KNTC1: variants seen among roughly 807,000 people sequenced by gnomAD.
KNTC1 encodes the protein kinetochore-associated protein 1.
In KNTC1, 253 loss-of-function variants were observed where a neutral mutation model predicts 314.4. The observed-to-expected ratio is 0.80, with a 90% confidence interval of 0.73 to 0.89. KNTC1 has a LOEUF of 0.89. KNTC1 is among the 40% of genes least tolerant of loss of function. KNTC1 has a pLI of 0.00. For missense variants in KNTC1, 2,475 were observed against 2,572.9 expected (o/e 0.96, Z 0.82); for synonymous variants, 901 against 901.4 (o/e 1.00, Z 0.01).
At chr12:122,542,457 A>T (rs560133402) in intron 6 of KNTC1, among the ~76,000 whole-genome samples, 10 of 152,302 alleles carry the variant, frequency 6.6e-5, no homozygotes, top group Admixed American at 5.9e-4. Context: ...AATGGAAATG[A>T]CTATGTAGTG....
At position 122,602,726 on chromosome 12, in the gene KNTC1, TC is replaced by T; in HGVS notation, c.4812del (p.Trp1605GlyfsTer18). On this transcript the variant is annotated frameshift_variant, in exon 46 of 64. Transcript: ENST00000333479. LOFTEE classifies it high-confidence loss of function. ...ATATTCTTTGGCACAGCACAGAACT[TC>T]TGGAAAATTCTCTGTATGTGTTCAT... ...HLIFFGTAQN[F>X]WKILSTELSE... The T allele has an allele frequency of 6.2e-7, 1 of 1,613,704 alleles. No individual in the cohort carries two copies.
chr12:122,539,986 G>T (rs1451211092), intron 5 of KNTC1, among the ~76,000 whole-genome samples: 1 of 151,400 alleles, frequency 6.6e-6, no homozygotes, highest in Non-Finnish European at 1.5e-5. Context: ...CACCATGTTG[G>T]CCAGGCTGGT....
chr12:122,539,708 G>A lies in KNTC1; in HGVS notation c.399G>A (p.Arg133=). 6.3e-7 allele frequency: 1 copy of A among 1,582,712 alleles called. No homozygotes were observed. The highest frequency in any genetic ancestry group is 8.6e-7 in the Non-Finnish European group (1 of 1,163,654). ...AFVQKANDEN[R]RTYQNLVIEK... ...TTCAGAAAGCTAACGATGAAAATCG[G>A]CGGACTTACCAGAATCTTGTCATTG... The change falls in exon 5 of 64, where the codon CGG becomes CGA. Residue 133 remains arginine (R), a synonymous_variant. Transcript: ENST00000333479.
At chr12:122,601,493 G>T in intron 44 of KNTC1, 43 bp from the exon 45 acceptor site, 1 of 1,459,884 alleles carries the variant, frequency 6.8e-7, no homozygotes, top group Non-Finnish European at 9.2e-7. Flanking sequence ...TTTCAACATG[G>T]CAAAGTCTTA....
At chr12:122,562,406 A>G (rs1052151031) in intron 19 of KNTC1, among the ~76,000 whole-genome samples, 1 of 151,118 alleles carries the variant, frequency 6.6e-6, no homozygotes, top group Non-Finnish European at 1.5e-5. Flanking sequence ...TTATAATTGG[A>G]TGTAATTGGA....
At chr12:122,588,599 G>A in intron 39 of KNTC1, 113 bp from the exon 40 acceptor site, 2 of 792,234 alleles carry the variant, frequency 2.5e-6, no homozygotes, top group Non-Finnish European at 3.7e-6. Context: ...GTTAAATTCT[G>A]ATACTTTTTG....
chr12:122,549,243 G>C (rs1963017936), intron 12 of KNTC1, among the ~76,000 whole-genome samples: 2 of 152,002 alleles, frequency 1.3e-5, no homozygotes, highest in Non-Finnish European at 2.9e-5. Flanking sequence ...TTTTAGTAGA[G>C]ACGGGGTTTC....
chr12:122,530,995 G>T (rs1426318489), intron 2 of KNTC1, among the ~76,000 whole-genome samples: 1 of 151,754 alleles, frequency 6.6e-6, no homozygotes, highest in Non-Finnish European at 1.5e-5. Flanking sequence ...TATTAGCTGG[G>T]TGTGGTGGCA....
In KNTC1 at chr12:122,530,186, T is replaced by C; in HGVS notation, c.123T>C (p.Ser41=). 6.2e-7 allele frequency: 1 copy of C among 1,612,938 alleles called. No individual in the cohort carries two copies. The highest frequency in any genetic ancestry group is 8.5e-7 in the Non-Finnish European group (1 of 1,179,350). ...TAGATTTGCTAGTGAAGATCTCTTC[T>C]GAAAAGGTAGTGATTATTACACTGA... ...YQVDLLVKIS[S]EKASLNPKIQ... The change falls in exon 2 of 64, where the codon TCT becomes TCC. Residue 41 remains serine, a synonymous_variant. Coordinates refer to ENST00000333479, the MANE Select transcript of KNTC1 (RefSeq NM_014708.6).
rs34135515 is a variant in KNTC1, at chr12:122,594,317, G to A, written c.4287G>A (p.Lys1429=). Residue 1429 remains lysine, a synonymous_variant, in exon 43 of 64, where the codon AAG becomes AAA. Coordinates refer to ENST00000333479, the MANE Select transcript of KNTC1 (RefSeq NM_014708.6). ...QPVFRQHFLT[K]KDLIKALVEN... ...TTTTCAGGCAACATTTTCTCACCAA[G>A]AAAGACCTCATTAAAGCTCTTGTGG... is the stretch of plus-strand genomic sequence containing the variant. The A allele has an allele frequency of 4.7e-3, 7,586 of 1,611,068 alleles. 118 individuals are homozygous for A. In the African/African-American group the frequency reaches 0.051, roughly 11 times the overall value.
chr12:122,592,262 G>A (rs990372876), intron 42 of KNTC1, among the ~76,000 whole-genome samples: 4 of 152,230 alleles, frequency 2.6e-5, no homozygotes, highest in African/African-American at 7.2e-5. Context: ...GCCTTCCCAC[G>A]GGGCAGGCCT....
chr12:122,559,573 AAAAAATATT>A (rs60827140), intron 18 of KNTC1, among the ~76,000 whole-genome samples: 47,206 of 151,780 alleles, frequency 0.31, 8,757 homozygotes, highest in Admixed American at 0.4. Flanking sequence ...CCTTTTTAAA[AAAAAATATT>A]TTATTTTTGA....
chr12:122,620,989 C>T (rs978773190), intron 60 of KNTC1, among the ~76,000 whole-genome samples: 18 of 152,222 alleles, frequency 1.2e-4, no homozygotes, highest in Non-Finnish European at 1.5e-5. Context: ...TTTTATCCCA[C>T]TTGATCTCTT....
intron 11 of KNTC1, 46 bp downstream of exon 11, chr12:122,547,576 C>A: frequency 8.7e-7 from 1 of 1,151,980 alleles, no homozygotes; most frequent in Non-Finnish European, 1.3e-6. Flanking sequence ...CTGTTAGTAC[C>A]AGGTATCTTG....
At chr12:122,529,219 C>T (rs1342648211) in intron 1 of KNTC1, among the ~76,000 whole-genome samples, 3 of 152,108 alleles carry the variant, frequency 2.0e-5, no homozygotes, top group South Asian at 2.1e-4. Flanking sequence ...GGACAGCTGC[C>T]TAGTCATTGT....
intron 20 of KNTC1, among the ~76,000 whole-genome samples, chr12:122,566,471 A>G (rs6489111): frequency 0.45 from 68,196 of 150,280 alleles, 17,975 homozygotes; most frequent in African/African-American, 0.75. Context: ...GTGCAGTGGC[A>G]TGATCTCAGC....
chr12:122,575,934 T>TCG, intron 29 of KNTC1, 35 bp downstream of exon 29: 1 of 1,559,452 alleles, frequency 6.4e-7, no homozygotes. Flanking sequence ...TTTTTCTCTT[T>TCG]CATTTCTGGG....
rs758235054 is a variant in KNTC1 at position 122,541,287 on chromosome 12, G to GCCTGCCTGCCTGCCTGCCTTCCTT, written c.446-760_446-759insGCCTGCCTGCCTGCCTTCCTTCCT. ...TGCCTGCCTGCCTGCCTGCCTGCCT[G>GCCTGCCTGCCTGCCTGCCTTCCTT]CCTTCCTTCCTTCCTTCCTTCCTTC... is the stretch of plus-strand genomic sequence containing the variant. On this transcript the variant is annotated intron_variant, in intron 5 of 63. Transcript: ENST00000333479. Among the ~76,000 whole-genome samples, 180 of 120,922 alleles carry GCCTGCCTGCCTGCCTGCCTTCCTT rather than the reference G, an allele frequency of 1.5e-3. 3 individuals carry two copies. The highest frequency in any genetic ancestry group is 7.9e-3 in the Middle Eastern group (2 of 254). The allele number at this position is 120,922 out of a possible 152,430, so 79.3% of individuals were successfully genotyped here.
At chr12:122,590,784 G>T (rs372339866) in intron 41 of KNTC1, 49 bp downstream of exon 41, 12 of 1,562,208 alleles carry the variant, frequency 7.7e-6, no homozygotes, top group African/African-American at 4.1e-5. Context: ...TTCAAGATTG[G>T]GGGGGAGAAA....
Sources: allele counts gnomAD v4.1 joint callset (sites outside exome capture counted in the v4.1 genomes callset), GRCh38; gene constraint gnomAD v4.1.1; transcripts MANE v1.5; gene names NCBI Gene and HGNC (gene_info 2026-07-23, HGNC 2026-07-21).